The following CHN1 variants were observed in gnomAD, a reference collection of about 807,000 sequenced individuals.
CHN1 encodes the protein N-chimaerin.
A neutral mutation model predicts 59.5 loss-of-function variants in CHN1; 37 were observed. That is an observed-to-expected ratio of 0.62 (90% CI 0.48 to 0.82). The LOEUF is 0.82. Ranked by LOEUF, CHN1 falls within the 40% of genes least tolerant of loss-of-function variation. CHN1 has a pLI of 0.00. For missense variants in CHN1, 469 were observed against 571.0 expected, an observed-to-expected ratio of 0.82 and a Z score of 1.82; for synonymous variants, 206 against 200.4, an observed-to-expected ratio of 1.03 and a Z score of -0.24.
At chr2:175,000,649 G>A (rs1270219599) in intron 1 of CHN1, among the ~76,000 whole-genome samples, 2 of 152,062 alleles carry the variant, frequency 1.3e-5, no homozygotes, top group Admixed American at 6.6e-5. Context: ...TCACCATGTT[G>A]GCCAGGCTGG....
intron 11 of CHN1, among the ~76,000 whole-genome samples, chr2:174,806,627 C>G (rs1684893496): frequency 6.6e-6 from 1 of 152,082 alleles, no homozygotes; most frequent in Non-Finnish European, 1.5e-5. Flanking sequence ...TTGCCGCCGC[C>G]CCTAGTGAGC....
chr2:174,995,311 A>G lies in CHN1; in HGVS notation c.19+9583T>C, dbSNP rs565148635. Among the ~76,000 whole-genome samples the G allele has an allele frequency of 9.5e-4, 144 of 152,332 alleles. 1 individual carries two copies. Among genetic ancestry groups the G allele is most frequent in the African/African-American group, 3.4e-3 (143 of 41,574 alleles). ...ATTAAATGAACAACTCCAGAAAATA[A>G]GCAATTCACAAGTTTTTAAGTTGCA... On this transcript the variant is annotated intron_variant, in intron 1 of 12. Coordinates refer to ENST00000409900, the MANE Select transcript of CHN1 (RefSeq NM_001822.7).
At chr2:174,828,733 TAAGG>T (rs1424355649) in intron 7 of CHN1, among the ~76,000 whole-genome samples, 2 of 152,190 alleles carry the variant, frequency 1.3e-5, no homozygotes, top group Non-Finnish European at 2.9e-5. Context: ...TGCAGGATGC[TAAGG>T]AAGAACTAGG....
intron 8 of CHN1, chr2:174,821,766 C>G (rs754422315): frequency 4.4e-6 from 2 of 457,882 alleles, no homozygotes; most frequent in Non-Finnish European, 9.0e-6. Flanking sequence ...TCTTGGACTT[C>G]CTGGCCTCCA....
At chr2:174,968,450 T>G (rs1295340176) in intron 1 of CHN1, among the ~76,000 whole-genome samples, 1 of 151,940 alleles carries the variant, frequency 6.6e-6, no homozygotes, top group African/African-American at 2.4e-5. Context: ...ATGAGCGGAG[T>G]TGGATAATTC....
intron 6 of CHN1, chr2:174,875,862 A>G: frequency 7.1e-6 from 7 of 982,490 alleles, no homozygotes; most frequent in Non-Finnish European, 8.5e-6. Context: ...CTGTTGGATG[A>G]CACCTGTAAA....
chr2:174,836,083 C>T (rs369381613), intron 7 of CHN1, among the ~76,000 whole-genome samples: 35 of 152,312 alleles, frequency 2.3e-4, no homozygotes, highest in African/African-American at 8.2e-4. Flanking sequence ...TGCTTTGCAC[C>T]TCCCCCACGA....
At chr2:174,886,383 CT>C (rs1687894612) in intron 5 of CHN1, among the ~76,000 whole-genome samples, 1 of 152,064 alleles carries the variant, frequency 6.6e-6, no homozygotes, top group South Asian at 2.1e-4. Flanking sequence ...ATTGAGTTGC[CT>C]TTCTCTTACC....
chr2:175,005,251 G>T lies in CHN1; in HGVS notation c.-339C>A. The T allele has an allele frequency of 8.5e-7, 1 of 1,178,384 alleles. No individual in the cohort carries two copies. The highest frequency in any genetic ancestry group is 1.1e-6 in the Non-Finnish European group (1 of 951,350). 73.0% of individuals were successfully genotyped at this position (1,178,384 alleles called of 1,614,324 possible). On this transcript the variant is annotated 5_prime_UTR_variant, in exon 1 of 13. Coordinates refer to ENST00000409900, the MANE Select transcript of CHN1 (RefSeq NM_001822.7). ...CCGCGGCGCAGTGGCTGGCGGAGAG[G>T]CGGCGCCGCACTGGCGGCGGCGGCG...
intron 1 of CHN1, among the ~76,000 whole-genome samples, chr2:175,003,474 G>A (rs1276065778): frequency 2.0e-5 from 3 of 152,082 alleles, no homozygotes; most frequent in Non-Finnish European, 1.5e-5. Flanking sequence ...TCAGGAATGC[G>A]AGTATTTGAA....
chr2:174,811,906 G>A (rs2105383519), intron 9 of CHN1, among the ~76,000 whole-genome samples: 1 of 152,226 alleles, frequency 6.6e-6, no homozygotes, highest in South Asian at 2.1e-4. Flanking sequence ...ATATAGGCCT[G>A]TTTTTCTCAA....
chr2:174,867,820 C>G (rs1457014289), intron 6 of CHN1, among the ~76,000 whole-genome samples: 4 of 152,086 alleles, frequency 2.6e-5, no homozygotes, highest in Non-Finnish European at 5.9e-5. Context: ...ATTCCTTGCC[C>G]CCAACTCTGG....
intron 7 of CHN1, among the ~76,000 whole-genome samples, chr2:174,829,447 A>G (rs954553017): frequency 6.6e-6 from 1 of 152,252 alleles, no homozygotes; most frequent in Non-Finnish European, 1.5e-5. Context: ...TTATAAAAGG[A>G]AACAAACACC....
intron 8 of CHN1, among the ~76,000 whole-genome samples, chr2:174,814,229 G>A (rs1035691833): frequency 1.3e-5 from 2 of 152,128 alleles, no homozygotes; most frequent in African/African-American, 4.8e-5. Flanking sequence ...AGTGCCAAAA[G>A]TTATCACCCC....
At position 174,947,321 on chromosome 2, in the gene CHN1, T is replaced by C. The variant is rs71419407; in HGVS notation, c.59-2378A>G. On this transcript the variant is annotated intron_variant, in intron 2 of 12. Transcript: ENST00000409900. ...AAGGGTATATAGTATTTTCTTAACA[T>C]TAAGTCACATAAGGTTATTTACTTT... Among the ~76,000 whole-genome samples the C allele has an allele frequency of 5.6e-3, 859 of 152,308 alleles. 3 individuals carry two copies. The highest frequency in any genetic ancestry group is 8.9e-3 in the Non-Finnish European group (603 of 68,028).
intron 6 of CHN1, among the ~76,000 whole-genome samples, chr2:174,877,636 C>G (rs933542310): frequency 8.6e-5 from 13 of 151,908 alleles, no homozygotes; most frequent in Non-Finnish European, 1.3e-4. Context: ...AGAAAACAAC[C>G]AGGAATATAA....
intron 1 of CHN1, among the ~76,000 whole-genome samples, chr2:174,997,615 A>T (rs1267933966): frequency 6.6e-6 from 1 of 152,188 alleles, no homozygotes; most frequent in African/African-American, 2.4e-5. Context: ...TCAAATGGAC[A>T]TCCACACCAC....
At chr2:174,817,372 G>C (rs1198555109) in intron 8 of CHN1, among the ~76,000 whole-genome samples, 1 of 151,832 alleles carries the variant, frequency 6.6e-6, no homozygotes, top group Non-Finnish European at 1.5e-5. Context: ...AAGCAAAAAA[G>C]TAAAATTGTG....
intron 6 of CHN1, among the ~76,000 whole-genome samples, chr2:174,849,632 GCC>G (rs1686660008): frequency 6.6e-6 from 1 of 152,082 alleles, no homozygotes; most frequent in South Asian, 2.1e-4. Context: ...CTAGTAGATA[GCC>G]ATCTACTCAT....
Sources: gnomAD v4.1 joint callset for allele counts (sites outside exome capture counted in the v4.1 genomes callset) on GRCh38, gnomAD v4.1.1 for gene constraint, MANE v1.5 for transcripts, NCBI Gene and HGNC (gene_info 2026-07-23, HGNC 2026-07-21) for gene names.